Variants in NYAP2 observed in about 807,000 individuals in gnomAD.
The protein encoded by NYAP2 is neuronal tyrosine-phosphorylated phosphoinositide-3-kinase adapter 2.
NYAP2 carries 23 observed loss-of-function variants against 50.4 expected under a neutral mutation model. The ratio of observed to expected loss-of-function variants is 0.46; its 90% CI spans 0.33 to 0.65. The LOEUF (loss-of-function observed/expected upper bound fraction) is 0.65. Among genes scored for constraint, NYAP2 ranks in the 30% least tolerant of loss-of-function variants. The probability of loss-of-function intolerance (pLI) is 0.02; values close to 1 mark genes in which losing one functional copy is unlikely to be tolerated. For missense variants in NYAP2, 885 were observed against 861.0 expected, an observed-to-expected ratio of 1.03 and a Z score of -0.35; for synonymous variants, 394 against 365.2, an observed-to-expected ratio of 1.08 and a Z score of -0.90.
intron 3 of NYAP2, among the ~76,000 whole-genome samples, chr2:225,481,974 T>C (rs906735052): frequency 1.3e-5 from 2 of 152,008 alleles, no homozygotes; most frequent in African/African-American, 4.8e-5. Context: ...CAAATAAACA[T>C]GCAATGGCAA....
At chr2:225,494,896 T>C (rs928009206) in intron 3 of NYAP2, among the ~76,000 whole-genome samples, 2 of 152,102 alleles carry the variant, frequency 1.3e-5, no homozygotes, top group East Asian at 3.9e-4. Context: ...ATATAAGATA[T>C]AAAAAACTAT....
At chr2:225,571,534 G>T (rs530746912) in intron 4 of NYAP2, among the ~76,000 whole-genome samples, 6 of 152,368 alleles carry the variant, frequency 3.9e-5, no homozygotes, top group Admixed American at 2.0e-4. Flanking sequence ...TTTAGGACTT[G>T]CATCCTTTGA....
At chr2:225,498,915 A>G (rs1300473054) in intron 3 of NYAP2, among the ~76,000 whole-genome samples, 2 of 152,172 alleles carry the variant, frequency 1.3e-5, no homozygotes, top group Non-Finnish European at 2.9e-5. Flanking sequence ...TCAAAGGAAC[A>G]CCCATTTGGA....
intron 4 of NYAP2, among the ~76,000 whole-genome samples, chr2:225,565,214 T>C (rs1472294462): frequency 2.0e-5 from 3 of 152,204 alleles, no homozygotes; most frequent in Non-Finnish European, 2.9e-5. Flanking sequence ...CTCCACTTTG[T>C]GATTTTTAGT....
intron 3 of NYAP2, among the ~76,000 whole-genome samples, chr2:225,489,886 T>TC (rs1044986330): frequency 6.6e-6 from 1 of 152,106 alleles, no homozygotes; most frequent in African/African-American, 2.4e-5. Flanking sequence ...TTTTTAAAGC[T>TC]CCCCGGGGTG....
chr2:225,476,400 G>A (rs7587938), intron 3 of NYAP2, among the ~76,000 whole-genome samples: 9,208 of 150,054 alleles, frequency 0.061, 322 homozygotes, highest in Middle Eastern at 0.092. Flanking sequence ...GTGACAGAGC[G>A]GGACTCTGTC....
intron 2 of NYAP2, among the ~76,000 whole-genome samples, chr2:225,401,755 T>G (rs1694866189): frequency 6.6e-6 from 1 of 152,038 alleles, no homozygotes; most frequent in African/African-American, 2.4e-5. Context: ...GTATTTCATA[T>G]CTGGAAAAAC....
chr2:225,448,969 A>G (rs768801097), intron 3 of NYAP2, among the ~76,000 whole-genome samples: 4 of 152,188 alleles, frequency 2.6e-5, no homozygotes, highest in Non-Finnish European at 4.4e-5. Context: ...CTGCATGATG[A>G]ACTCCTGGAC....
At chr2:225,399,067 G>T (rs535372420), upstream of NYAP2, among the ~76,000 whole-genome samples, 1 of 152,050 alleles carries the variant, frequency 6.6e-6, no homozygotes, top group Admixed American at 6.5e-5. Flanking sequence ...GAATATAGAC[G>T]TTAAAAAACA....
chr2:225,597,914 A>T (rs926250845), intron 5 of NYAP2, among the ~76,000 whole-genome samples: 1 of 152,172 alleles, frequency 6.6e-6, no homozygotes, highest in Non-Finnish European at 1.5e-5. Context: ...GTTCAAATGA[A>T]ATAAATTTTC....
intron 3 of NYAP2, among the ~76,000 whole-genome samples, chr2:225,450,909 C>T (rs187395069): frequency 1.4e-4 from 22 of 152,146 alleles, no homozygotes; most frequent in Middle Eastern, 3.4e-3. Flanking sequence ...ATTCCTGTGT[C>T]GGACCTAGGT....
the NYAP2 span, among the ~76,000 whole-genome samples, chr2:225,675,431 A>T: frequency 1.2e-4 from 18 of 152,174 alleles, no homozygotes; most frequent in Non-Finnish European, 2.2e-4. Context: ...CTTGCCTAGG[A>T]TAATGGCCTC....
the NYAP2 span, among the ~76,000 whole-genome samples, chr2:225,664,235 T>A: frequency 1.3e-5 from 2 of 152,184 alleles, no homozygotes; most frequent in Non-Finnish European, 2.9e-5. Context: ...CTCAAATATA[T>A]CCAACCATGG....
chr2:225,521,670 G>A (rs1422458773), intron 4 of NYAP2, among the ~76,000 whole-genome samples: 1 of 151,528 alleles, frequency 6.6e-6, no homozygotes, highest in Non-Finnish European at 1.5e-5. Context: ...GCTGGATTCG[G>A]TTTGCCAGTA....
intron 4 of NYAP2, among the ~76,000 whole-genome samples, chr2:225,540,746 A>T (rs979050383): frequency 6.6e-6 from 1 of 152,350 alleles, no homozygotes; most frequent in East Asian, 1.9e-4. Context: ...TGCAAGAAAC[A>T]TGGGAGTGCA....
intron 6 of NYAP2, among the ~76,000 whole-genome samples, chr2:225,649,796 C>G (rs537312390): frequency 3.3e-5 from 5 of 152,116 alleles, no homozygotes; most frequent in Non-Finnish European, 7.4e-5. Flanking sequence ...TACATAGATG[C>G]CGAATGTTGA....
rs749943267 is a variant in NYAP2 at position 225,636,512 on chromosome 2, A to G, written c.1828+9386A>G. 8.0e-4 allele frequency among the ~76,000 whole-genome samples: 116 copies of G among 145,788 alleles called. 1 individual carries two copies. The highest frequency in any genetic ancestry group is 7.0e-3 in the Middle Eastern group (2 of 284). ...TTTTTTTTTTAATTTCATTATTATT[A>G]TACTTTAAGTTTTAGGGTACATTAC... On this transcript the variant is annotated intron_variant, in intron 6 of 6. Transcript: ENST00000636099.
At chr2:225,549,709 C>T (rs115503493) in intron 4 of NYAP2, among the ~76,000 whole-genome samples, 1,649 of 152,094 alleles carry the variant, frequency 0.011, 30 homozygotes, top group African/African-American at 0.037. Context: ...TCCATGTGGG[C>T]GGTGGCTCAT....
chr2:225,455,987 T>G (rs1319735273), intron 3 of NYAP2, among the ~76,000 whole-genome samples: 1 of 152,204 alleles, frequency 6.6e-6, no homozygotes, highest in Non-Finnish European at 1.5e-5. Context: ...TTCTGGGATT[T>G]CTAGAGGCAC....
Sources: gnomAD v4.1 joint callset for allele counts (sites outside exome capture counted in the v4.1 genomes callset) on GRCh38, gnomAD v4.1.1 for gene constraint, MANE v1.5 for transcripts, NCBI Gene and HGNC (gene_info 2026-07-23, HGNC 2026-07-21) for gene names.